RIMBP2: variants seen among roughly 807,000 people sequenced by gnomAD.
RIMBP2 encodes RIMS-binding protein 2.
In RIMBP2, 48 loss-of-function variants were observed where a neutral mutation model predicts 118.6. That is an observed-to-expected ratio of 0.40 (90% CI 0.32 to 0.51). RIMBP2 has a LOEUF of 0.51. RIMBP2 is among the 20% of genes least tolerant of loss of function. RIMBP2 has a pLI of 0.41. For missense variants in RIMBP2, 1,551 were observed against 1,768.3 expected, an observed-to-expected ratio of 0.88 and a Z score of 2.20; for synonymous variants, 762 against 742.9, an observed-to-expected ratio of 1.03 and a Z score of -0.42.
chr12:130,686,439 C>T (rs1038756003), intron 1 of RIMBP2, among the ~76,000 whole-genome samples: 2 of 152,222 alleles, frequency 1.3e-5, no homozygotes, highest in East Asian at 3.9e-4. Flanking sequence ...CCGGGCACCT[C>T]GTCCCCTTTG....
chr12:130,650,204 A>G (rs892735778), intron 1 of RIMBP2, among the ~76,000 whole-genome samples: 1 of 152,080 alleles, frequency 6.6e-6, no homozygotes, highest in African/African-American at 2.4e-5. Context: ...TCCAAAGGGT[A>G]CATTTCTGCC....
chr12:130,541,174 G>T (rs2054568927), intron 2 of RIMBP2, among the ~76,000 whole-genome samples: 1 of 152,110 alleles, frequency 6.6e-6, no homozygotes, highest in Non-Finnish European at 1.5e-5. Context: ...TGCACTCCTG[G>T]GCAATCTCTG....
chr12:130,416,022 T>G (rs942156995), intron 17 of RIMBP2, among the ~76,000 whole-genome samples: 1 of 151,984 alleles, frequency 6.6e-6, no homozygotes, highest in Non-Finnish European at 1.5e-5. Flanking sequence ...AGAATGTACC[T>G]AACCAAGGAG....
chr12:130,539,132 T>A (rs2139508276), intron 2 of RIMBP2, among the ~76,000 whole-genome samples: 1 of 152,294 alleles, frequency 6.6e-6, no homozygotes. Flanking sequence ...TTTCCAAAAA[T>A]CCCTATCATC....
At chr12:130,604,152 A>G (rs7975701) in intron 2 of RIMBP2, among the ~76,000 whole-genome samples, 103,485 of 151,432 alleles carry the variant, frequency 0.68, 35,495 homozygotes, top group South Asian at 0.81. Flanking sequence ...AAACATTTTA[A>G]ACGGTGTTAA....
chr12:130,454,462 C>T (rs539970329), intron 7 of RIMBP2, among the ~76,000 whole-genome samples: 4 of 152,288 alleles, frequency 2.6e-5, no homozygotes, highest in Non-Finnish European at 5.9e-5. Context: ...GCACTGGTGT[C>T]CACCGCCGTC....
intron 1 of RIMBP2, among the ~76,000 whole-genome samples, chr12:130,700,724 C>CTGTTGTT (rs779144872): frequency 9.2e-5 from 14 of 152,232 alleles, no homozygotes; most frequent in Non-Finnish European, 1.6e-4. Flanking sequence ...GAAGAGATTT[C>CTGTTGTT]TGTTGTTTTA....
intron 19 of RIMBP2, among the ~76,000 whole-genome samples, chr12:130,411,552 A>C (rs2075715562): frequency 9.6e-6 from 1 of 104,698 alleles, no homozygotes; most frequent in East Asian, 5.1e-4. Context: ...GAAAAATAGC[A>C]TAAAAAATTT....
intron 2 of RIMBP2, among the ~76,000 whole-genome samples, chr12:130,603,779 C>T (rs2060002914): frequency 6.6e-6 from 1 of 152,172 alleles, no homozygotes; most frequent in Non-Finnish European, 1.5e-5. Flanking sequence ...GGTGACACTG[C>T]TGTAAACAAA....
intron 17 of RIMBP2, among the ~76,000 whole-genome samples, chr12:130,415,636 A>G (rs968224993): frequency 8.9e-5 from 7 of 78,778 alleles, no homozygotes; most frequent in African/African-American, 2.3e-4. Flanking sequence ...TACGGCATCC[A>G]TATAGGAAAC....
chr12:130,605,000 C>T (rs954950764), intron 2 of RIMBP2, among the ~76,000 whole-genome samples: 1 of 152,044 alleles, frequency 6.6e-6, no homozygotes, highest in Non-Finnish European at 1.5e-5. Context: ...AGTACAGTCA[C>T]ATCCTGCACA....
At chr12:130,502,059 G>A (rs1327212004) in intron 4 of RIMBP2, among the ~76,000 whole-genome samples, 5 of 152,146 alleles carry the variant, frequency 3.3e-5, no homozygotes, top group South Asian at 2.1e-4. Flanking sequence ...CCTCATTCAC[G>A]GCCCAACTGT....
At chr12:130,558,947 CCT>C (rs1249471882) in intron 2 of RIMBP2, among the ~76,000 whole-genome samples, 1 of 152,152 alleles carries the variant, frequency 6.6e-6, no homozygotes, top group Non-Finnish European at 1.5e-5. Flanking sequence ...TCACATTCTC[CCT>C]CTTTTTTAAA....
chr12:130,642,347 C>T (rs181314105), intron 1 of RIMBP2, among the ~76,000 whole-genome samples: 1 of 152,250 alleles, frequency 6.6e-6, no homozygotes, highest in African/African-American at 2.4e-5. Context: ...TGCAATGGCG[C>T]GATCTCAGCT....
At chr12:130,477,721 C>T (rs138372202) in intron 5 of RIMBP2, among the ~76,000 whole-genome samples, 1 of 152,376 alleles carries the variant, frequency 6.6e-6, no homozygotes, top group African/African-American at 2.4e-5. Context: ...AGAAACGCTG[C>T]TCCGGCAGAT....
At chr12:130,593,501 G>C (rs2059395489) in intron 2 of RIMBP2, among the ~76,000 whole-genome samples, 1 of 152,226 alleles carries the variant, frequency 6.6e-6, no homozygotes, top group Non-Finnish European at 1.5e-5. Context: ...TTCTCTGCAG[G>C]AAGCGAAGTT....
intron 4 of RIMBP2, 32 bp from the exon 5 acceptor site, chr12:130,479,048 G>A (rs779521645): frequency 3.2e-6 from 5 of 1,580,690 alleles, no homozygotes; most frequent in South Asian, 2.3e-5. Flanking sequence ...TGGCTGAGCA[G>A]GGCAGCCTGT....
chr12:130,569,940 T>C (rs968411165), intron 2 of RIMBP2, among the ~76,000 whole-genome samples: 3 of 152,244 alleles, frequency 2.0e-5, no homozygotes, highest in Non-Finnish European at 4.4e-5. Flanking sequence ...TTTATATAAA[T>C]AATGAACTCA....
At chr12:130,451,482 C>T in intron 7 of RIMBP2, 142 bp from the exon 8 acceptor site, 3 of 925,550 alleles carry the variant, frequency 3.2e-6, no homozygotes, top group South Asian at 1.7e-5. Flanking sequence ...CCGTCTCCTG[C>T]TCGCCATCTA....
Sources: allele counts gnomAD v4.1 joint callset (sites outside exome capture counted in the v4.1 genomes callset), GRCh38; gene constraint gnomAD v4.1.1; transcripts MANE v1.5; gene names NCBI Gene and HGNC (gene_info 2026-07-23, HGNC 2026-07-21).